SSRP1: variants seen among roughly 807,000 people sequenced by gnomAD.
SSRP1 encodes the protein FACT complex subunit SSRP1.
Under a neutral mutation model 84.4 loss-of-function variants are expected in SSRP1, and 21 were observed. The ratio of observed to expected loss-of-function variants is 0.25; its 90% CI spans 0.18 to 0.36. The LOEUF (loss-of-function observed/expected upper bound fraction) is 0.36, where lower values mean the gene tolerates loss of function less well. SSRP1 is among the 10% of genes least tolerant of loss of function. The probability of loss-of-function intolerance (pLI) is 1.00; values close to 1 mark genes in which losing one functional copy is unlikely to be tolerated. For missense variants in SSRP1, 519 were observed against 900.8 expected, an observed-to-expected ratio of 0.58 and a Z score of 5.43; for synonymous variants, 319 against 318.3, an observed-to-expected ratio of 1.00 and a Z score of -0.02.
At chr11:57,327,129 T>C (rs1348828254) in intron 15 of SSRP1, 3 of 753,956 alleles carry the variant, frequency 4.0e-6, no homozygotes, top group Non-Finnish European at 6.2e-6. Context: ...ATTTCTTGCT[T>C]TATCTTTTAG....
rs1048643321 is a variant in SSRP1 at position 57,326,733 on chromosome 11, G to C, written c.2028C>G (p.Asn676Lys). 1 of 1,613,804 alleles carries C rather than the reference G, an allele frequency of 6.2e-7. No homozygotes were observed. Among genetic ancestry groups the C allele is most frequent in the Non-Finnish European group, 8.5e-7 (1 of 1,179,942 alleles). Reference sequence around the variant, plus strand: ...TCCTCCTCCTCTTCTTTTTGCTCTTGTTCTCTCCCGAAGAGCTCTCATCAC... The same window carrying C: ...TCCTCCTCCTCTTCTTTTTGCTCTTCTTCTCTCCCGAAGAGCTCTCATCAC... ...VSSDESSSGE[N>K]KSKKKRRRSE... The change falls in exon 16 of 17, where the codon AAC becomes AAG. Residue 676 changes from asparagine to lysine, a missense_variant. Physicochemically the swap from Asn to Lys is moderately conservative, Grantham distance 94 (BLOSUM62 0). This residue lies in a region of SSRP1 where 197 missense variants were observed against 265.0 expected (regional missense o/e 0.74). Transcript: ENST00000278412.
intron 14 of SSRP1, 79 bp downstream of exon 14, chr11:57,327,633 A>G: frequency 1.2e-6 from 2 of 1,601,140 alleles, no homozygotes; most frequent in Non-Finnish European, 1.7e-6. Flanking sequence ...CTCCCCTATC[A>G]GTCATGAGAC....
chr11:57,329,894 T>C, intron 12 of SSRP1, 199 bp downstream of exon 12: 1 of 674,974 alleles, frequency 1.5e-6, no homozygotes, highest in South Asian at 1.9e-5. Flanking sequence ...CACTATACTT[T>C]TCCGACTTCA....
chr11:57,327,947 T>G, intron 13 of SSRP1, 65 bp from the exon 14 acceptor site: 1 of 1,566,088 alleles, frequency 6.4e-7, no homozygotes, highest in Non-Finnish European at 8.7e-7. Flanking sequence ...CCAAATAAAT[T>G]ATTTAGATCA....
intron 16 of SSRP1, 91 bp downstream of exon 16, chr11:57,326,612 A>G (rs535713416): frequency 2.0e-6 from 3 of 1,537,726 alleles, no homozygotes; most frequent in Middle Eastern, 2.2e-4. Flanking sequence ...TCCACCATCC[A>G]CTCCAACTCA....
chr11:57,327,112 A>C, intron 15 of SSRP1: 1 of 812,006 alleles, frequency 1.2e-6, no homozygotes, highest in African/African-American at 1.7e-5. Flanking sequence ...TGCAAAACCT[A>C]CTTGATATTT....
intron 16 of SSRP1, 56 bp downstream of exon 16, chr11:57,326,647 C>A: frequency 6.3e-7 from 1 of 1,594,284 alleles, no homozygotes. Context: ...CAACCCCACA[C>A]AGACACACAT....
At chr11:57,329,376 C>T (rs1387398237) in intron 12 of SSRP1, 4 of 152,764 alleles carry the variant, frequency 2.6e-5, no homozygotes, top group Non-Finnish European at 5.8e-5. Context: ...CCCATCAGAC[C>T]CCAGCCCATT....
chr11:57,328,514 C>A, intron 12 of SSRP1, 88 bp from the exon 13 acceptor site: 5 of 1,555,858 alleles, frequency 3.2e-6, no homozygotes, highest in Non-Finnish European at 4.3e-6. Context: ...TCCAAAGATA[C>A]CCACCCAAAA....
chr11:57,330,770 GA>G lies in SSRP1; in HGVS notation c.1296+84del. The G allele has an allele frequency of 6.2e-7, 1 of 1,604,796 alleles. No homozygotes were observed. Among genetic ancestry groups the G allele is most frequent in the Non-Finnish European group, 8.5e-7 (1 of 1,174,892 alleles). ...TAAGGGTAAGAAGAGAAGAAAGAGT[GA>G]AAAAGAAGCCGGAAAAAATCTCCAC... On this transcript the variant is annotated intron_variant, in intron 10 of 16. Coordinates refer to ENST00000278412, the MANE Select transcript of SSRP1 (RefSeq NM_003146.3). The surrounding 1 kb of genome is among the most constrained non-coding windows in gnomAD (Gnocchi z 4.0).
chr11:57,326,494 G>C lies in SSRP1; in HGVS notation c.2059-16C>G. 5 of 1,613,972 alleles carry C rather than the reference G, an allele frequency of 3.1e-6. No homozygotes were observed. The East Asian group carries it at 8.9e-5, about 29-fold the overall frequency. On this transcript the variant is annotated splice_polypyrimidine_tract_variant and intron_variant, in intron 16 of 16. Transcript: ENST00000278412. ...CTTCAGAGTCCTGAAAACCAAAGGT[G>C]TCTTAAGGGAAAAGCTGGAGTCCTG...
At position 57,330,598 on chromosome 11, in the gene SSRP1, C is replaced by T; in HGVS notation, c.1297-169G>A. 1 of 1,430,022 alleles carries T rather than the reference C, an allele frequency of 7.0e-7. No individual in the cohort carries two copies. The highest frequency in any genetic ancestry group is 9.2e-7 in the Non-Finnish European group (1 of 1,090,480). 88.6% of individuals were successfully genotyped at this position (1,430,022 alleles called of 1,614,324 possible). A position where few individuals can be genotyped will look rare whatever the true frequency, so the allele number is the denominator to read the frequency against. ...TGCAGGGCCTATGCCCAAGTACTTC[C>T]TGCCAACTGGGTTAGTCCAAGCCCC... On this transcript the variant is annotated intron_variant, in intron 10 of 16. Coordinates refer to ENST00000278412, the MANE Select transcript of SSRP1 (RefSeq NM_003146.3). The surrounding 1 kb of genome is among the most constrained non-coding windows in gnomAD (Gnocchi z 4.0).
In SSRP1 at chr11:57,332,193, T is replaced by C. The variant is rs1175599007; in HGVS notation, c.960A>G (p.Ala320=). 3.1e-6 allele frequency: 5 copies of C among 1,613,976 alleles called. No homozygotes were observed. The highest frequency in any genetic ancestry group is 3.3e-5 in the Admixed American group (2 of 60,006). The change falls in exon 8 of 17, where the codon GCA becomes GCG. Residue 320 remains alanine (A), a synonymous_variant. Transcript: ENST00000278412. The surrounding 1 kb of genome is among the most constrained non-coding windows in gnomAD (Gnocchi z 5.5). ...GCACTGTGATCTTGCGGTTTACCAG[T>C]GCTTTCATGACCCGGCTGACCATCT... The part of the protein sequence containing the change: ...LYEMVSRVMK[A]LVNRKITVPG...
rs376205491 is a variant in SSRP1, at chr11:57,334,659, A to C, written c.55-11T>G. 8 of 1,613,764 alleles carry C rather than the reference A, an allele frequency of 5.0e-6. No homozygotes were observed. The highest frequency in any genetic ancestry group is 5.9e-6 in the Non-Finnish European group (7 of 1,179,968). On this transcript the variant is annotated splice_polypyrimidine_tract_variant and intron_variant, in intron 2 of 16. Transcript: ENST00000278412. ...CAGTCGACCATCATTCTGTAAGAAA[A>C]GCAGGCCCAGATGCATGGAGACAGT...
chr11:57,327,628 C>G, intron 14 of SSRP1, 84 bp downstream of exon 14: 1 of 1,601,496 alleles, frequency 6.2e-7, no homozygotes. Context: ...TACTGCTCCC[C>G]TATCAGTCAT....
Position 57,330,689 on chromosome 11 carries a change from T to C in SSRP1, c.1296+166A>G, listed in dbSNP as rs1341467562. 1.4e-6 allele frequency: 2 copies of C among 1,478,176 alleles called. No homozygotes were observed. Among genetic ancestry groups the C allele is most frequent in the East Asian group, 2.5e-5 (1 of 40,598 alleles). The allele number at this position is 1,478,176 out of a possible 1,614,324, so 91.6% of individuals were successfully genotyped here. A position where few individuals can be genotyped will look rare whatever the true frequency, so the allele number is the denominator to read the frequency against. ...GGCTGCATAGACTGGTCTAAGGTCATGCAGAGGAAACCTGCACCAGGAGGG... is the reference window on the plus strand; with the variant it reads ...GGCTGCATAGACTGGTCTAAGGTCACGCAGAGGAAACCTGCACCAGGAGGG... On this transcript the variant is annotated intron_variant, in intron 10 of 16. Coordinates refer to ENST00000278412, the MANE Select transcript of SSRP1 (RefSeq NM_003146.3). The surrounding 1 kb of genome is among the most constrained non-coding windows in gnomAD (Gnocchi z 4.0).
Position 57,334,404 on chromosome 11 carries a change from A to C in SSRP1, c.240+59T>G, listed in dbSNP as rs878872031. On this transcript the variant is annotated intron_variant, in intron 3 of 16. Coordinates refer to ENST00000278412, the MANE Select transcript of SSRP1 (RefSeq NM_003146.3). ...CATGAGGAAGGAACCTCGAGTCTCT[A>C]GAAGATTAAAATAAGAAGATGCAGT... is the stretch of plus-strand genomic sequence containing the variant. The C allele has an allele frequency of 2.0e-5, 32 of 1,583,866 alleles. No homozygotes were observed. The Middle Eastern group carries it at 5.0e-4, about 25-fold the overall frequency.
In SSRP1 at chr11:57,330,766, G is replaced by C. The variant is rs1856072977; in HGVS notation, c.1296+89C>G. 1.2e-6 allele frequency: 2 copies of C among 1,601,906 alleles called. No individual in the cohort carries two copies. Among genetic ancestry groups the C allele is most frequent in the African/African-American group, 2.7e-5 (2 of 74,560 alleles). On this transcript the variant is annotated intron_variant, in intron 10 of 16. Coordinates refer to ENST00000278412, the MANE Select transcript of SSRP1 (RefSeq NM_003146.3). The surrounding 1 kb of genome is among the most constrained non-coding windows in gnomAD (Gnocchi z 4.0). ...TCTATAAGGGTAAGAAGAGAAGAAA[G>C]AGTGAAAAAGAAGCCGGAAAAAATC...
chr11:57,331,944 C>T (rs927686319), intron 8 of SSRP1, 55 bp from the exon 9 acceptor site: 20 of 1,544,030 alleles, frequency 1.3e-5, no homozygotes, highest in Non-Finnish European at 1.6e-5. Flanking sequence ...AGGCAAAGGG[C>T]GTATCTAGCA....
Sources: allele counts gnomAD v4.1 joint callset, GRCh38; gene constraint gnomAD v4.1.1; regional missense constraint gnomAD v4.1.1; non-coding constraint Gnocchi (gnomAD v3.1); transcripts MANE v1.5; gene names NCBI Gene and HGNC (gene_info 2026-07-23, HGNC 2026-07-21).